TEX11: variants seen among roughly 807,000 people sequenced by gnomAD.
The protein encoded by TEX11 is testis-expressed protein 11.
In TEX11, 7 loss-of-function variants were observed where a neutral mutation model predicts 84.4. The ratio of observed to expected loss-of-function variants is 0.08; its 90% CI spans 0.05 to 0.16. TEX11 has a LOEUF of 0.16. Ranked by LOEUF, TEX11 falls within the 10% of genes least tolerant of loss-of-function variation. The pLI, the probability that TEX11 is intolerant of heterozygous loss-of-function variation, is 1.00. For missense variants in TEX11, 551 were observed against 660.5 expected, an observed-to-expected ratio of 0.83 and a Z score of 1.82; for synonymous variants, 264 against 222.8, an observed-to-expected ratio of 1.18 and a Z score of -1.64.
At chrX:70,706,852 C>CA (rs1310608991) in intron 13 of TEX11, among the ~76,000 whole-genome samples, 1 of 110,998 alleles carries the variant, frequency 9.0e-6, no homozygotes, top group Non-Finnish European at 1.9e-5. Context: ...CCCTATCTCT[C>CA]AAATTCTTGC....
chrX:70,834,077 T>G (rs2147833660), intron 7 of TEX11, among the ~76,000 whole-genome samples: 1 of 110,873 alleles, frequency 9.0e-6, no homozygotes, highest in Admixed American at 9.7e-5. Context: ...TGGTCCCAGC[T>G]ACTTTAGAGG....
At chrX:70,574,244 G>C (rs2088643419) in intron 25 of TEX11, among the ~76,000 whole-genome samples, 1 of 111,853 alleles carries the variant, frequency 8.9e-6, no homozygotes, top group South Asian at 3.7e-4. Flanking sequence ...CTTCAAGGGA[G>C]ACCCAAAAGA....
intron 7 of TEX11, among the ~76,000 whole-genome samples, chrX:70,838,649 G>C: frequency 9.0e-6 from 1 of 110,705 alleles, no homozygotes; most frequent in Non-Finnish European, 1.9e-5. Flanking sequence ...AGGACAGTGG[G>C]TGCAGCAAAC....
At chrX:70,832,097 T>C (rs992706469) in intron 8 of TEX11, among the ~76,000 whole-genome samples, 1 of 111,530 alleles carries the variant, frequency 9.0e-6, no homozygotes, top group African/African-American at 3.3e-5. Context: ...CAATCCTGTA[T>C]ACCACCCAAT....
chrX:70,679,498 G>A (rs1211117759), intron 14 of TEX11, among the ~76,000 whole-genome samples: 1 of 107,558 alleles, frequency 9.3e-6, no homozygotes, highest in African/African-American at 3.4e-5. Context: ...AGTGAGGAGC[G>A]CCTCTTCCCG....
intron 17 of TEX11, among the ~76,000 whole-genome samples, chrX:70,633,008 T>C (rs968972717): frequency 1.3e-4 from 15 of 111,898 alleles, no homozygotes; most frequent in South Asian, 3.7e-4. Flanking sequence ...AGAAATAATA[T>C]CATTTCAACA....
intron 19 of TEX11, 38 bp downstream of exon 19, chrX:70,624,801 G>A (rs770078726): frequency 5.9e-5 from 64 of 1,080,158 alleles, no homozygotes; most frequent in Non-Finnish European, 8.1e-5. Context: ...GATAAGCAGA[G>A]GAAATACTTT....
At chrX:70,701,205 A>G (rs778287056) in intron 13 of TEX11, among the ~76,000 whole-genome samples, 11 of 112,520 alleles carry the variant, frequency 9.8e-5, no homozygotes, top group Admixed American at 3.8e-4. Context: ...AGAAGATGCC[A>G]TCTAGAACTT....
intron 13 of TEX11, among the ~76,000 whole-genome samples, chrX:70,687,245 TTTAA>T (rs1282745218): frequency 1.8e-5 from 2 of 111,533 alleles, no homozygotes; most frequent in Non-Finnish European, 3.8e-5. Flanking sequence ...TTCCAAGTAT[TTTAA>T]TTATCTATCT....
At chrX:70,564,251 A>G (rs112795943) in intron 25 of TEX11, among the ~76,000 whole-genome samples, 12,561 of 111,053 alleles carry the variant, frequency 0.11, 606 homozygotes, top group Middle Eastern at 0.2. Flanking sequence ...ACAAAAACAA[A>G]CAAACAAAAA....
intron 8 of TEX11, among the ~76,000 whole-genome samples, chrX:70,826,853 C>A (rs2091349593): frequency 9.0e-6 from 1 of 111,010 alleles, no homozygotes; most frequent in Non-Finnish European, 1.9e-5. Context: ...ACAAGGACTG[C>A]AATTCCTAGG....
chrX:70,901,762 C>T (rs2091804514), intron 2 of TEX11, among the ~76,000 whole-genome samples: 1 of 111,445 alleles, frequency 9.0e-6, no homozygotes, highest in Non-Finnish European at 1.9e-5. Flanking sequence ...GTTGAGGACC[C>T]CGTCATAGAG....
intron 25 of TEX11, among the ~76,000 whole-genome samples, chrX:70,571,226 C>T (rs935030641): frequency 1.3e-4 from 14 of 111,836 alleles, no homozygotes; most frequent in Non-Finnish European, 2.6e-4. Flanking sequence ...ACCATGTTGG[C>T]CAGGCTGGTC....
intron 9 of TEX11, among the ~76,000 whole-genome samples, chrX:70,793,659 C>A (rs2091138222): frequency 1.8e-5 from 2 of 111,646 alleles, no homozygotes; most frequent in Non-Finnish European, 3.8e-5. Context: ...GCCTACAGAA[C>A]CATGAACCAA....
rs1485859953 is a variant in TEX11, at chrX:70,831,992, C to A, written c.606+1521G>T. Among the ~76,000 whole-genome samples, 12 of 111,311 alleles carry A rather than the reference C, an allele frequency of 1.1e-4. No individual in the cohort carries two copies. In the Admixed American group the frequency reaches 1.2e-3, roughly 11 times the overall value. On this transcript the variant is annotated intron_variant, in intron 8 of 29. Transcript: ENST00000374333. Reference sequence around the variant, plus strand: ...TTGATTTGCCATAGTTTCAGTGTATCACTCACGAAATGATACAGGTTTACA... The same window carrying A: ...TTGATTTGCCATAGTTTCAGTGTATAACTCACGAAATGATACAGGTTTACA...
chrX:70,608,941 A>G, intron 22 of TEX11, 150 bp downstream of exon 22: 1 of 440,132 alleles, frequency 2.3e-6, no homozygotes, highest in African/African-American at 2.4e-5. Flanking sequence ...TGAAGTATAT[A>G]TAACTATTTC....
At chrX:70,645,777 A>C (rs2089734337) in intron 17 of TEX11, among the ~76,000 whole-genome samples, 1 of 111,585 alleles carries the variant, frequency 9.0e-6, no homozygotes, top group Non-Finnish European at 1.9e-5. Flanking sequence ...AAGTGAAGAA[A>C]ACACAAAGAA....
At chrX:70,582,831 C>T (rs1257287193) in intron 25 of TEX11, among the ~76,000 whole-genome samples, 1 of 107,768 alleles carries the variant, frequency 9.3e-6, no homozygotes, top group Non-Finnish European at 1.9e-5. Flanking sequence ...CTGCAATCTC[C>T]ACCTCCCAGG....
chrX:70,643,618 A>G (rs765466901), intron 17 of TEX11, among the ~76,000 whole-genome samples: 1 of 109,715 alleles, frequency 9.1e-6, no homozygotes, highest in South Asian at 3.9e-4. Flanking sequence ...ATAACGCTGC[A>G]TATCTACAAC....
Sources: allele counts gnomAD v4.1 joint callset (sites outside exome capture counted in the v4.1 genomes callset), GRCh38; gene constraint gnomAD v4.1.1; transcripts MANE v1.5; gene names NCBI Gene and HGNC (gene_info 2026-07-23, HGNC 2026-07-21).